NDUFA9: variants seen among roughly 807,000 people sequenced by gnomAD.
NDUFA9 encodes the protein NADH dehydrogenase [ubiquinone] 1 alpha subcomplex subunit 9, mitochondrial.
NDUFA9 carries 23 observed loss-of-function variants against 45.9 expected under a neutral mutation model. The ratio of observed to expected loss-of-function variants is 0.50; its 90% CI spans 0.36 to 0.71. NDUFA9 has a LOEUF of 0.71. Among genes scored for constraint, NDUFA9 ranks in the 30% least tolerant of loss-of-function variants. The pLI, the probability that NDUFA9 is intolerant of heterozygous loss-of-function variation, is 0.00. For missense variants in NDUFA9, 466 were observed against 488.2 expected, an observed-to-expected ratio of 0.95 and a Z score of 0.43; for synonymous variants, 176 against 170.5, an observed-to-expected ratio of 1.03 and a Z score of -0.25.
At chr12:4,668,664 A>C in intron 7 of NDUFA9, 140 bp downstream of exon 7, 1 of 740,882 alleles carries the variant, frequency 1.3e-6, no homozygotes, top group Non-Finnish European at 2.3e-6. Context: ...CTCTTAGTTT[A>C]CTTAAGAGGT....
At chr12:4,668,331 C>T in intron 6 of NDUFA9, 126 bp from the exon 7 acceptor site, 4 of 773,864 alleles carry the variant, frequency 5.2e-6, no homozygotes, top group Admixed American at 2.5e-5. Flanking sequence ...GCATTCACTT[C>T]CTCAGAGTCA....
intron 1 of NDUFA9, among the ~76,000 whole-genome samples, chr12:4,652,860 G>C (rs1239238219): frequency 6.6e-6 from 1 of 152,244 alleles, no homozygotes; most frequent in Non-Finnish European, 1.5e-5. Flanking sequence ...TTTAATTTCT[G>C]TCACTATCAG....
chr12:4,652,402 C>T (rs757935053), intron 1 of NDUFA9, among the ~76,000 whole-genome samples: 1 of 152,132 alleles, frequency 6.6e-6, no homozygotes, highest in African/African-American at 2.4e-5. Flanking sequence ...GTGTATACTC[C>T]TCATCTACTT....
In NDUFA9 at chr12:4,687,861, C is replaced by T. The variant is rs1196197342; in HGVS notation, c.*753C>T. On this transcript the variant is annotated 3_prime_UTR_variant, in exon 11 of 11. Coordinates refer to ENST00000266544, the MANE Select transcript of NDUFA9 (RefSeq NM_005002.5). ...TTTGGTTTAGTGTTGGCAAATCCCACCAGTACAGTGTGATTTAAAACTCCC... is the reference window on the plus strand; with the variant it reads ...TTTGGTTTAGTGTTGGCAAATCCCATCAGTACAGTGTGATTTAAAACTCCC... 1 of 152,192 alleles carries T rather than the reference C, an allele frequency of 6.6e-6. No homozygotes were observed. The highest frequency in any genetic ancestry group is 2.4e-5 in the African/African-American group (1 of 41,428). 9.4% of individuals were successfully genotyped at this position (152,192 alleles called of 1,614,324 possible).
chr12:4,675,947 G>A (rs1398035619), intron 8 of NDUFA9, among the ~76,000 whole-genome samples: 4 of 152,162 alleles, frequency 2.6e-5, no homozygotes, highest in Middle Eastern at 3.2e-3. Flanking sequence ...TATCCAGCAC[G>A]ATAAAGTTGG....
chr12:4,682,100 C>T, intron 8 of NDUFA9, 105 bp from the exon 9 acceptor site: 2 of 724,582 alleles, frequency 2.8e-6, no homozygotes, highest in Non-Finnish European at 4.6e-6. Context: ...GTATCTACTA[C>T]AGTGCATATA....
intron 8 of NDUFA9, among the ~76,000 whole-genome samples, chr12:4,675,186 T>C (rs1945911505): frequency 6.6e-6 from 1 of 152,228 alleles, no homozygotes; most frequent in African/African-American, 2.4e-5. Flanking sequence ...GGGAAATTTA[T>C]AGCACTAAAT....
rs915064202 is a variant in NDUFA9 at position 4,668,553 on chromosome 12, A to G, written c.723+29A>G. The G allele has an allele frequency of 8.3e-6, 13 of 1,568,580 alleles. No homozygotes were observed. In the African/African-American group the frequency reaches 1.5e-4, roughly 18 times the overall value. ...AGTACTTGGATGAAGGGGGTCAGAA[A>G]GGGATTTTTGATGAATTCAGATTTG... On this transcript the variant is annotated intron_variant, in intron 7 of 10. Transcript: ENST00000266544.
In NDUFA9 at chr12:4,654,847, C is replaced by A; in HGVS notation, c.243C>A (p.Ile81=). 1 of 1,613,584 alleles carries A rather than the reference C, an allele frequency of 6.2e-7. No homozygotes were observed. Among genetic ancestry groups the A allele is most frequent in the Non-Finnish European group, 8.5e-7 (1 of 1,179,820 alleles). The change falls in exon 3 of 11, where the codon ATC becomes ATA. Residue 81 remains isoleucine, a synonymous_variant. Transcript: ENST00000266544. ...TAGGACGCATGGGGTCACAGGTAAT[C>A]ATACCCTATCGGTGTGATAAATATG... is the stretch of plus-strand genomic sequence containing the variant. The part of the protein sequence containing the change: ...NHLGRMGSQV[I]IPYRCDKYDI...
chr12:4,652,472 A>G (rs893425084), intron 1 of NDUFA9, among the ~76,000 whole-genome samples: 3 of 152,220 alleles, frequency 2.0e-5, no homozygotes, highest in African/African-American at 7.2e-5. Context: ...CTAATCCAAT[A>G]AAATTGCTCT....
chr12:4,674,151 A>G (rs1232814182), intron 8 of NDUFA9, among the ~76,000 whole-genome samples: 1 of 152,218 alleles, frequency 6.6e-6, no homozygotes, highest in Non-Finnish European at 1.5e-5. Context: ...CCTGCCTTAC[A>G]AGAGCTCCTG....
chr12:4,650,843 T>C (rs775861348), intron 1 of NDUFA9, among the ~76,000 whole-genome samples: 15 of 152,086 alleles, frequency 9.9e-5, no homozygotes, highest in Non-Finnish European at 1.9e-4. Flanking sequence ...CAAGAGGCAG[T>C]GAAATGACTA....
At chr12:4,662,016 A>C (rs73261238) in intron 5 of NDUFA9, among the ~76,000 whole-genome samples, 1 of 152,328 alleles carries the variant, frequency 6.6e-6, no homozygotes, top group African/African-American at 2.4e-5. Context: ...AGGTGCTGAT[A>C]TCTTCATCGA....
intron 1 of NDUFA9, among the ~76,000 whole-genome samples, chr12:4,650,351 C>T (rs889749557): frequency 1.3e-5 from 2 of 152,130 alleles, no homozygotes; most frequent in African/African-American, 4.8e-5. Context: ...TTTGCAAAGA[C>T]ATTTGCTGGT....
rs751409567 is a variant in NDUFA9 at position 4,669,748 on chromosome 12, A to C, written c.731A>C (p.Asp244Ala). The change falls in exon 8 of 11, where the codon GAT (aspartate) becomes GCT (alanine). Residue 244 changes from aspartate (D) to alanine (A), a missense_variant. Asp to Ala is a moderately radical substitution (Grantham distance 126). Coordinates refer to ENST00000266544, the MANE Select transcript of NDUFA9 (RefSeq NM_005002.5). ...KTVKQPVYVV[D>A]VSKGIVNAVK... ...TATTATAATTTCTTACAGGTCGTAG[A>C]TGTATCCAAAGGAATTGTTAATGCA... 7 of 1,602,712 alleles carry C rather than the reference A, an allele frequency of 4.4e-6. No homozygotes were observed. In the South Asian group the frequency reaches 7.7e-5, roughly 18 times the overall value.
At chr12:4,685,399 CT>C (rs1945979658) in intron 10 of NDUFA9, 74 bp downstream of exon 10, 4 of 1,380,282 alleles carry the variant, frequency 2.9e-6, no homozygotes, top group Non-Finnish European at 4.1e-6. Flanking sequence ...TGCCTGCTTG[CT>C]TGTTTCCCGG....
intron 6 of NDUFA9, among the ~76,000 whole-genome samples, chr12:4,665,053 T>A (rs1945845327): frequency 6.6e-6 from 1 of 152,172 alleles, no homozygotes; most frequent in Admixed American, 6.5e-5. Context: ...CTTACCTATA[T>A]CTGATTTAGA....
chr12:4,671,498 T>G (rs1014431302), intron 8 of NDUFA9, among the ~76,000 whole-genome samples: 4 of 152,184 alleles, frequency 2.6e-5, no homozygotes, highest in Admixed American at 2.0e-4. Flanking sequence ...ATTGAATGAG[T>G]CAGTATGATT....
Position 4,686,994 on chromosome 12 carries a change from T to G in NDUFA9, c.1020T>G (p.Ile340Met). The G allele has an allele frequency of 6.2e-7, 1 of 1,614,170 alleles. No homozygotes were observed. The highest frequency in any genetic ancestry group is 8.5e-7 in the Non-Finnish European group (1 of 1,180,044). Residue 340 changes from isoleucine to methionine, a missense_variant, in exon 11 of 11, where the codon ATT becomes ATG. Physicochemically the swap from Ile to Met is conservative, Grantham distance 10. Coordinates refer to ENST00000266544, the MANE Select transcript of NDUFA9 (RefSeq NM_005002.5). Reference protein sequence around the residue: ...PHLPGLEDLGIQATPLELKAI... With the variant: ...PHLPGLEDLGMQATPLELKAI... ...TGCCTGGCTTAGAAGACCTTGGTAT[T>G]CAGGCAACACCACTGGAACTCAAGG...
Sources: allele counts gnomAD v4.1 joint callset (sites outside exome capture counted in the v4.1 genomes callset), GRCh38; gene constraint gnomAD v4.1.1; transcripts MANE v1.5; gene names NCBI Gene and HGNC (gene_info 2026-07-23, HGNC 2026-07-21).